The following CCDC81 variants were observed in gnomAD, a reference collection of about 807,000 sequenced individuals.
CCDC81 encodes the protein coiled-coil domain-containing protein 81.
CCDC81 carries 79 observed loss-of-function variants against 83.7 expected under a neutral mutation model. The ratio of observed to expected loss-of-function variants is 0.94; its 90% confidence interval spans 0.79 to 1.14. The LOEUF is 1.14. Among genes scored for constraint, CCDC81 ranks in the 50% most tolerant of loss-of-function variants. The pLI, the probability that CCDC81 is intolerant of heterozygous loss-of-function variation, is 0.00. For synonymous variants in CCDC81, 252 were observed against 278.1 expected (o/e 0.91, Z 0.93); for missense variants, 791 against 778.1 (o/e 1.02, Z -0.20).
intron 3 of CCDC81, among the ~76,000 whole-genome samples, chr11:86,388,399 T>C (rs1188172789): frequency 3.3e-5 from 5 of 152,148 alleles, no homozygotes; most frequent in Non-Finnish European, 5.9e-5. Context: ...AGCCTTTGGG[T>C]GCATACTTCC....
At position 86,409,376 on chromosome 11, in the gene CCDC81, TAA is replaced by T. The variant is rs750418244; in HGVS notation, c.1218+15_1218+16del. ...AAACCGGAATTTTATGTAAGTCTTTTAAAAATTTCTGTTGCTAACACCTGGCC... is the reference window on the plus strand; with the variant it reads ...AAACCGGAATTTTATGTAAGTCTTTTAAATTTCTGTTGCTAACACCTGGCC... On this transcript the variant is annotated intron_variant, in intron 10 of 14. Coordinates refer to ENST00000445632, the MANE Select transcript of CCDC81 (RefSeq NM_001156474.2). 1 of 1,421,872 alleles carries T rather than the reference TAA, an allele frequency of 7.0e-7. No homozygotes were observed. Among genetic ancestry groups the T allele is most frequent in the South Asian group, 1.3e-5 (1 of 75,830 alleles). 88.1% of individuals were successfully genotyped at this position (1,421,872 alleles called of 1,614,324 possible).
intron 14 of CCDC81, among the ~76,000 whole-genome samples, chr11:86,422,032 T>C (rs1244203063): frequency 6.6e-6 from 1 of 152,214 alleles, no homozygotes; most frequent in Admixed American, 6.5e-5. Flanking sequence ...ACTGCCTCTT[T>C]ATTTCTGCTT....
intron 13 of CCDC81, among the ~76,000 whole-genome samples, chr11:86,417,435 A>G (rs1331291104): frequency 1.3e-5 from 2 of 151,954 alleles, no homozygotes; most frequent in Non-Finnish European, 2.9e-5. Context: ...TTTTCCTTCT[A>G]CTTTTGTAAA....
chr11:86,387,462 A>AT (rs1948258279), intron 2 of CCDC81, 54 bp from the exon 3 acceptor site: 3 of 1,551,802 alleles, frequency 1.9e-6, no homozygotes, highest in Non-Finnish European at 2.7e-6. Flanking sequence ...ATTAAGGATT[A>AT]TTTTTTCTTC....
intron 14 of CCDC81, among the ~76,000 whole-genome samples, chr11:86,420,362 G>A (rs1948773745): frequency 6.6e-6 from 1 of 152,110 alleles, no homozygotes; most frequent in Non-Finnish European, 1.5e-5. Context: ...GGAAGTAGGG[G>A]GAGTGAGTTT....
chr11:86,406,015 G>T (rs192287567), intron 7 of CCDC81, among the ~76,000 whole-genome samples: 3 of 151,972 alleles, frequency 2.0e-5, no homozygotes, highest in African/African-American at 7.2e-5. Flanking sequence ...CACCTGCCTC[G>T]GCCTCCCAAA....
chr11:86,386,490 G>A (rs1948242798), intron 2 of CCDC81, among the ~76,000 whole-genome samples: 1 of 152,098 alleles, frequency 6.6e-6, no homozygotes, highest in Non-Finnish European at 1.5e-5. Flanking sequence ...CTCCTTGCAG[G>A]GAATGGATTT....
At position 86,414,818 on chromosome 11, in the gene CCDC81, A is replaced by T. The variant is rs1386009809; in HGVS notation, c.1421A>T (p.Lys474Ile). 7 of 1,611,886 alleles carry T rather than the reference A, an allele frequency of 4.3e-6. No individual in the cohort carries two copies. The African/African-American group carries it at 9.4e-5, about 22-fold the overall frequency. The change falls in exon 12 of 15, where the codon AAA (lysine) becomes ATA (isoleucine). Residue 474 changes from lysine (K) to isoleucine (I), a missense_variant. Coordinates refer to ENST00000445632, the MANE Select transcript of CCDC81 (RefSeq NM_001156474.2). ...GCTGCGCAAAGAGCGAAATTTTTAA[A>T]AGATAAGATGGAAGAAACACAGTGT... ...ELAAQRAKFLKDKMEETQCYK... is the reference protein window; with the variant it reads ...ELAAQRAKFLIDKMEETQCYK...
intron 1 of CCDC81, among the ~76,000 whole-genome samples, chr11:86,383,182 A>C (rs1034828056): frequency 1.3e-5 from 2 of 152,192 alleles, no homozygotes; most frequent in Admixed American, 1.3e-4. Context: ...GAACTGGGTA[A>C]AAGTTGAGTC....
chr11:86,418,078 T>TA (rs1333709507), intron 13 of CCDC81, among the ~76,000 whole-genome samples: 3 of 152,006 alleles, frequency 2.0e-5, no homozygotes, highest in South Asian at 4.2e-4. Context: ...AACCTATCCT[T>TA]AAAAAAATAA....
At chr11:86,397,587 A>T in intron 5 of CCDC81, 34 bp from the exon 6 acceptor site, 1 of 1,591,306 alleles carries the variant, frequency 6.3e-7, no homozygotes, top group Non-Finnish European at 8.5e-7. Flanking sequence ...GTTCAGGTTC[A>T]GTGCAGCAGA....
chr11:86,387,516 G>A lies in CCDC81; in HGVS notation c.142G>A (p.Gly48Arg). The stretch of plus-strand genomic sequence containing the variant: ...GTTTTGTTTTGTTTTTTCCTTTCAG[G>A]GGGTTCAGATTCCAGCATTTGGAAC... ...FVRRQLTLHK[G>R]VQIPAFGTFT... Residue 48 changes from glycine to arginine, a missense_variant and splice_region_variant, in exon 3 of 15, where the codon GGG (glycine) becomes AGG (arginine). Gly to Arg is a moderately radical substitution (Grantham distance 125). Transcript: ENST00000445632. 2 of 1,612,880 alleles carry A rather than the reference G, an allele frequency of 1.2e-6. No individual in the cohort carries two copies. Among genetic ancestry groups the A allele is most frequent in the Non-Finnish European group, 1.7e-6 (2 of 1,179,690 alleles).
At chr11:86,415,066 C>T (rs774446649) in intron 12 of CCDC81, 27 bp from the exon 13 acceptor site, 4 of 1,605,916 alleles carry the variant, frequency 2.5e-6, no homozygotes, top group East Asian at 4.5e-5. Flanking sequence ...AGAATGATAA[C>T]CTGCATTATG....
At chr11:86,400,151 A>G (rs1201790505) in intron 6 of CCDC81, among the ~76,000 whole-genome samples, 2 of 151,858 alleles carry the variant, frequency 1.3e-5, no homozygotes, top group South Asian at 2.1e-4. Context: ...AAAAAAAAGA[A>G]AAAGACTGCA....
intron 6 of CCDC81, among the ~76,000 whole-genome samples, chr11:86,400,238 A>C (rs915290992): frequency 2.0e-5 from 3 of 152,186 alleles, no homozygotes; most frequent in African/African-American, 7.2e-5. Context: ...TAAAGCACTT[A>C]GCACTGTTAG....
At chr11:86,421,511 C>T (rs1467112314) in intron 14 of CCDC81, among the ~76,000 whole-genome samples, 2 of 152,130 alleles carry the variant, frequency 1.3e-5, no homozygotes, top group Admixed American at 6.5e-5. Context: ...AGGGTTTCAC[C>T]GTGTTAGCCA....
chr11:86,378,792 C>A (rs1184472523), intron 1 of CCDC81, among the ~76,000 whole-genome samples: 1 of 152,154 alleles, frequency 6.6e-6, no homozygotes, highest in Non-Finnish European at 1.5e-5. Flanking sequence ...CCCCTACTTT[C>A]TTTTGATAAG....
Position 86,397,721 on chromosome 11 carries a change from G to C in CCDC81, c.736G>C (p.Asp246His). 1 of 1,613,694 alleles carries C rather than the reference G, an allele frequency of 6.2e-7. No individual in the cohort carries two copies. Among genetic ancestry groups the C allele is most frequent in the Non-Finnish European group, 8.5e-7 (1 of 1,179,830 alleles). Residue 246 changes from aspartate (D) to histidine (H), a missense_variant, in exon 6 of 15, where the codon GAC becomes CAC. Physicochemically the swap from Asp to His is moderately conservative, Grantham distance 81. Coordinates refer to ENST00000445632, the MANE Select transcript of CCDC81 (RefSeq NM_001156474.2). Reference sequence around the variant, plus strand: ...GAAGTGCAAGTTAAAAGACCAGTCAGACAAAGAAGAAGGCACCAGAGGTAG... The same window carrying C: ...GAAGTGCAAGTTAAAAGACCAGTCACACAAAGAAGAAGGCACCAGAGGTAG... ...ERKCKLKDQS[D>H]KEEGTRDISS... is the part of the protein sequence containing the mutation.
At chr11:86,422,089 T>A (rs1948799153) in intron 14 of CCDC81, among the ~76,000 whole-genome samples, 2 of 152,216 alleles carry the variant, frequency 1.3e-5, no homozygotes, top group Non-Finnish European at 2.9e-5. Context: ...TCTCCTGCCC[T>A]TAACTCTCCA....
Sources: gnomAD v4.1 joint callset for allele counts (sites outside exome capture counted in the v4.1 genomes callset) on GRCh38, gnomAD v4.1.1 for gene constraint, MANE v1.5 for transcripts, NCBI Gene and HGNC (gene_info 2026-07-23, HGNC 2026-07-21) for gene names.